CYSTM1: variants seen among roughly 807,000 people sequenced by gnomAD.
CYSTM1 encodes cysteine-rich transmembrane module-containing protein 1.
In CYSTM1, 4 loss-of-function variants were observed where a neutral mutation model predicts 13.1. That is an observed-to-expected ratio of 0.31 (90% CI 0.15 to 0.70). The LOEUF (loss-of-function observed/expected upper bound fraction) is 0.70, where lower values mean the gene tolerates loss of function less well. CYSTM1 is among the 30% of genes least tolerant of loss of function. CYSTM1 has a pLI of 0.72. For missense variants in CYSTM1, 96 were observed against 121.6 expected (o/e 0.79, Z 0.99); for synonymous variants, 36 against 42.7 (o/e 0.84, Z 0.62).
intron 2 of CYSTM1, chr5:140,228,905 G>A: frequency 2.5e-6 from 1 of 398,246 alleles, no homozygotes; most frequent in Non-Finnish European, 4.4e-6. Flanking sequence ...AACTACTGTT[G>A]CACAATTTCC....
At chr5:140,228,310 T>C (rs748801243) in intron 2 of CYSTM1, among the ~76,000 whole-genome samples, 2 of 152,200 alleles carry the variant, frequency 1.3e-5, no homozygotes, top group Non-Finnish European at 2.9e-5. Context: ...TATAAAATGA[T>C]GATAATAATA....
At chr5:140,237,988 G>A (rs959710992) in intron 2 of CYSTM1, among the ~76,000 whole-genome samples, 1 of 152,162 alleles carries the variant, frequency 6.6e-6, no homozygotes, top group African/African-American at 2.4e-5. Context: ...CCATGTAAAC[G>A]CCCGCACCTG....
At chr5:140,199,585 G>C (rs560664661) in intron 2 of CYSTM1, among the ~76,000 whole-genome samples, 1 of 152,284 alleles carries the variant, frequency 6.6e-6, no homozygotes, top group African/African-American at 2.4e-5. Flanking sequence ...CCACCTCCGG[G>C]GTTCAAGCGA....
chr5:140,195,447 T>TC (rs1764142484), intron 2 of CYSTM1, among the ~76,000 whole-genome samples: 1 of 147,934 alleles, frequency 6.8e-6, no homozygotes, highest in African/African-American at 2.5e-5. Flanking sequence ...AGCTTTTTTT[T>TC]TTTTTTTTTT....
intron 2 of CYSTM1, among the ~76,000 whole-genome samples, chr5:140,216,185 C>T (rs759859426): frequency 6.6e-6 from 1 of 152,102 alleles, no homozygotes; most frequent in Non-Finnish European, 1.5e-5. Flanking sequence ...TGTATATCCT[C>T]AGCTGTATCT....
chr5:140,181,003 T>C (rs543233094), intron 1 of CYSTM1, among the ~76,000 whole-genome samples: 1 of 152,268 alleles, frequency 6.6e-6, no homozygotes, highest in South Asian at 2.1e-4. Context: ...CTGAAAACTA[T>C]CTAGGCATGC....
chr5:140,187,172 T>TTTTTTTTAAC (rs1764024883), intron 1 of CYSTM1, among the ~76,000 whole-genome samples: 1 of 9,950 alleles, frequency 1.0e-4, no homozygotes, highest in Non-Finnish European at 2.6e-4. Context: ...ATTCTAAAAC[T>TTTTTTTTAAC]TTTTTTTTTT....
chr5:140,236,134 A>G (rs1581074394), intron 2 of CYSTM1, among the ~76,000 whole-genome samples: 1 of 152,216 alleles, frequency 6.6e-6, no homozygotes, highest in Non-Finnish European at 1.5e-5. Context: ...TCTCACCACT[A>G]TGAGAAGCTC....
chr5:140,241,950 C>T (rs1764754647), intron 2 of CYSTM1, among the ~76,000 whole-genome samples: 1 of 152,260 alleles, frequency 6.6e-6, no homozygotes, highest in Non-Finnish European at 1.5e-5. Context: ...CTGCCCTTGC[C>T]TCTGCCTCGT....
chr5:140,243,520 A>T lies in CYSTM1; in HGVS notation c.*109A>T. On this transcript the variant is annotated 3_prime_UTR_variant, in exon 3 of 3. Coordinates refer to ENST00000261811, the MANE Select transcript of CYSTM1 (RefSeq NM_032412.4). Reference sequence around the variant, plus strand: ...TTAACAAATGACTAGCTTTGCACAGACACCTCTACCTTCAGCACTATGGGA... The same window carrying T: ...TTAACAAATGACTAGCTTTGCACAGTCACCTCTACCTTCAGCACTATGGGA... The T allele has an allele frequency of 1.2e-6, 1 of 802,806 alleles. No homozygotes were observed. The highest frequency in any genetic ancestry group is 2.0e-6 in the Non-Finnish European group (1 of 502,264). 49.7% of individuals were successfully genotyped at this position (802,806 alleles called of 1,614,324 possible). A position where few individuals can be genotyped will look rare whatever the true frequency, so the allele number is the denominator to read the frequency against.
At chr5:140,238,583 G>A (rs1309549679) in intron 2 of CYSTM1, among the ~76,000 whole-genome samples, 1 of 152,188 alleles carries the variant, frequency 6.6e-6, no homozygotes, top group Non-Finnish European at 1.5e-5. Context: ...TTTGCGCTGG[G>A]TAGTAAACGA....
intron 1 of CYSTM1, among the ~76,000 whole-genome samples, chr5:140,183,008 C>T (rs1763976493): frequency 6.6e-6 from 1 of 152,128 alleles, no homozygotes; most frequent in Non-Finnish European, 1.5e-5. Flanking sequence ...GCTTGGTATT[C>T]ATCAGGAACC....
rs71276334 is a variant in CYSTM1, at chr5:140,188,070, C to CTTTTT, written c.-20-6362_-20-6358dup. On this transcript the variant is annotated intron_variant, in intron 1 of 2. Coordinates refer to ENST00000261811, the MANE Select transcript of CYSTM1 (RefSeq NM_032412.4). ...TTTAAAAAATATTTGTTAATTTTAA[C>CTTTTT]TTTTTTTTTTTTTTTTTTAGAGACA... 1.5e-3 allele frequency among the ~76,000 whole-genome samples: 195 copies of CTTTTT among 133,484 alleles called. 1 individual carries two copies. Among genetic ancestry groups the CTTTTT allele is most frequent in the African/African-American group, 5.1e-3 (184 of 35,924 alleles). 87.6% of individuals were successfully genotyped at this position (133,484 alleles called of 152,430 possible). A position where few individuals can be genotyped will look rare whatever the true frequency, so the allele number is the denominator to read the frequency against.
chr5:140,213,447 A>G (rs1764395141), intron 2 of CYSTM1, among the ~76,000 whole-genome samples: 1 of 152,168 alleles, frequency 6.6e-6, no homozygotes, highest in Non-Finnish European at 1.5e-5. Context: ...TTGAAGAAAG[A>G]AATTTGTTTT....
intron 1 of CYSTM1, among the ~76,000 whole-genome samples, chr5:140,180,358 T>C (rs562243342): frequency 1.3e-5 from 2 of 152,148 alleles, no homozygotes; most frequent in Non-Finnish European, 2.9e-5. Flanking sequence ...CTCTCTCTCA[T>C]GAGGGAAATT....
At position 140,226,586 on chromosome 5, in the gene CYSTM1, T is replaced by TTATATATATATATA. The variant is rs549334525; in HGVS notation, c.188-16706_188-16693dup. Among the ~76,000 whole-genome samples the TTATATATATATATA allele has an allele frequency of 3.5e-4, 26 of 75,264 alleles. 1 individual carries two copies. The highest frequency in any genetic ancestry group is 5.7e-4 in the South Asian group (1 of 1,764). 49.4% of individuals were successfully genotyped at this position (75,264 alleles called of 152,430 possible). On this transcript the variant is annotated intron_variant, in intron 2 of 2. Coordinates refer to ENST00000261811, the MANE Select transcript of CYSTM1 (RefSeq NM_032412.4). Reference sequence around the variant, plus strand: ...ATAAATATATATTATATACTAAATATTATATATATATATATATATATATAT... The same window carrying TTATATATATATATA: ...ATAAATATATATTATATACTAAATATTATATATATATATATATATATATATATATATATATATAT...
At chr5:140,238,419 G>A (rs1346257560) in intron 2 of CYSTM1, among the ~76,000 whole-genome samples, 1 of 152,164 alleles carries the variant, frequency 6.6e-6, no homozygotes, top group African/African-American at 2.4e-5. Context: ...TCCCTGGAAG[G>A]ACAGAAGCTG....
intron 2 of CYSTM1, among the ~76,000 whole-genome samples, chr5:140,226,530 ATT>A (rs1266411328): frequency 1.6e-4 from 20 of 121,680 alleles, no homozygotes; most frequent in African/African-American, 6.3e-4. Flanking sequence ...TATATAATAT[ATT>A]TATATATATT....
At chr5:140,228,250 C>T (rs1306542226) in intron 2 of CYSTM1, among the ~76,000 whole-genome samples, 1 of 152,170 alleles carries the variant, frequency 6.6e-6, no homozygotes, top group East Asian at 1.9e-4. Context: ...CTAAATTCTC[C>T]TTCAAAGAGA....
Sources: gnomAD v4.1 joint callset for allele counts (sites outside exome capture counted in the v4.1 genomes callset) on GRCh38, gnomAD v4.1.1 for gene constraint, MANE v1.5 for transcripts, NCBI Gene and HGNC (gene_info 2026-07-23, HGNC 2026-07-21) for gene names.